The following PEAK1 variants were observed in gnomAD, a reference collection of about 807,000 sequenced individuals.
The protein encoded by PEAK1 is pseudopodium enriched atypical kinase 1.
In PEAK1, 54 loss-of-function variants were observed where a neutral mutation model predicts 124.7. The ratio of observed to expected loss-of-function variants is 0.43; its 90% CI spans 0.35 to 0.54. The LOEUF (loss-of-function observed/expected upper bound fraction) is 0.54, where lower values mean the gene tolerates loss of function less well. Among genes scored for constraint, PEAK1 ranks in the 20% least tolerant of loss-of-function variants. The pLI is 0.01. For synonymous variants in PEAK1, 719 were observed against 760.0 expected, an observed-to-expected ratio of 0.95 and a Z score of 0.89; for missense variants, 2,046 against 2,134.5, an observed-to-expected ratio of 0.96 and a Z score of 0.82.
intron 2 of PEAK1, chr15:77,348,438 A>G: frequency 2.1e-6 from 2 of 936,648 alleles, no homozygotes; most frequent in Non-Finnish European, 2.5e-6. Flanking sequence ...TGATTTTTTA[A>G]AAAGAAAAAA....
chr15:77,101,620 T>C (rs1260987594), exon 7 of PEAK1: 3 of 152,176 alleles, frequency 2.0e-5, no homozygotes, highest in South Asian at 2.1e-4. Flanking sequence ...TTGTCAGAGG[T>C]GGAACCTGGA....
chr15:77,201,475 T>G (rs1028105534), intron 6 of PEAK1, among the ~76,000 whole-genome samples: 1 of 152,172 alleles, frequency 6.6e-6, no homozygotes, highest in Middle Eastern at 3.4e-3. Flanking sequence ...CCTGACCTCG[T>G]GATCCTCCTG....
rs34583265 is a variant in PEAK1, at chr15:77,278,832, G to GTTTTT, written c.-275+5046_-275+5050dup. On this transcript the variant is annotated intron_variant, in intron 5 of 9. Coordinates refer to ENST00000682557, the MANE Select transcript of PEAK1 (RefSeq NM_001385026.1). ...TTTATAAAAATGCAAAATTTTGTGG[G>GTTTTT]TTTTTTTTTTTTTTTTTTGAGACAG... 5.3e-3 allele frequency: 1,192 copies of GTTTTT among 225,370 alleles called. 9 individuals carry two copies. Among genetic ancestry groups the GTTTTT allele is most frequent in the Middle Eastern group, 6.9e-3 (4 of 576 alleles). 14.0% of individuals were successfully genotyped at this position (225,370 alleles called of 1,614,324 possible). A position where few individuals can be genotyped will look rare whatever the true frequency, so the allele number is the denominator to read the frequency against.
intron 1 of PEAK1, chr15:77,402,826 TG>T (rs969768919): frequency 8.1e-6 from 8 of 984,800 alleles, no homozygotes; most frequent in Non-Finnish European, 9.6e-6. Context: ...CCATGTTGTA[TG>T]AAAAAAAAAA....
chr15:77,107,881 AC>A (rs1447860000), downstream of PEAK1: 2 of 152,236 alleles, frequency 1.3e-5, no homozygotes, highest in Admixed American at 1.3e-4. Context: ...CACACAGCAA[AC>A]CTGCAGCCTT....
At chr15:77,330,668 TCCTC>T (rs2065839183) in intron 2 of PEAK1, among the ~76,000 whole-genome samples, 1 of 152,142 alleles carries the variant, frequency 6.6e-6, no homozygotes, top group South Asian at 2.1e-4. Context: ...ATTGCTCTCT[TCCTC>T]CCTAACTTTC....
At chr15:77,254,531 CA>C (rs753889284) in intron 5 of PEAK1, among the ~76,000 whole-genome samples, 56 of 152,038 alleles carry the variant, frequency 3.7e-4, no homozygotes, top group Non-Finnish European at 6.5e-4. Context: ...CTCCTAGGCT[CA>C]AGCAATCCTC....
In PEAK1 at chr15:77,141,142, G is replaced by A. The variant is rs188009396; in HGVS notation, c.3332-7392C>T. Among the ~76,000 whole-genome samples the A allele has an allele frequency of 4.2e-3, 638 of 152,176 alleles. 4 individuals carry two copies. The highest frequency in any genetic ancestry group is 6.8e-3 in the Non-Finnish European group (465 of 68,016). On this transcript the variant is annotated intron_variant, in intron 8 of 9. Coordinates refer to ENST00000682557, the MANE Select transcript of PEAK1 (RefSeq NM_001385026.1). ...AATATAATCGTGTATATTGAGAAGC[G>A]TAGCGAATCCACACACAAAAAAACT... is the stretch of plus-strand genomic sequence containing the variant.
At chr15:77,387,629 C>G (rs528983675) in intron 1 of PEAK1, among the ~76,000 whole-genome samples, 48 of 152,156 alleles carry the variant, frequency 3.2e-4, no homozygotes, top group African/African-American at 1.1e-3. Flanking sequence ...GGTTACATAA[C>G]TAAATTAAGC....
chr15:77,415,240 T>C (rs528220902), intron 1 of PEAK1, among the ~76,000 whole-genome samples: 2 of 152,230 alleles, frequency 1.3e-5, no homozygotes, highest in Non-Finnish European at 2.9e-5. Flanking sequence ...TTCCTAGTCA[T>C]GTAACTAACA....
chr15:77,366,826 T>G (rs1165606480), intron 1 of PEAK1, among the ~76,000 whole-genome samples: 34 of 152,188 alleles, frequency 2.2e-4, no homozygotes, highest in Non-Finnish European at 5.9e-5. Flanking sequence ...CCTCCCAAAG[T>G]GCTGGGATTA....
intron 1 of PEAK1, chr15:77,404,116 T>G (rs183901797): frequency 2.0e-6 from 2 of 985,136 alleles, no homozygotes; most frequent in East Asian, 2.3e-4. Context: ...TTTAGACAAC[T>G]ACAAATTTAA....
chr15:77,291,993 AAG>A (rs1425401899), intron 2 of PEAK1, among the ~76,000 whole-genome samples: 32 of 142,564 alleles, frequency 2.2e-4, no homozygotes, highest in African/African-American at 7.2e-4. Context: ...AAAAAAAAAA[AAG>A]AGTTATATAT....
intron 6 of PEAK1, among the ~76,000 whole-genome samples, chr15:77,185,416 C>T (rs2057493171): frequency 6.6e-6 from 1 of 152,144 alleles, no homozygotes. Flanking sequence ...ACTTCCTCTC[C>T]CCTAACTGAA....
At chr15:77,276,764 T>C (rs1020548801) in intron 5 of PEAK1, among the ~76,000 whole-genome samples, 3 of 152,056 alleles carry the variant, frequency 2.0e-5, no homozygotes, top group Admixed American at 6.6e-5. Context: ...CTGTATGATA[T>C]GGTTCAAAAT....
chr15:77,306,734 C>T (rs572738900), intron 2 of PEAK1, among the ~76,000 whole-genome samples: 1 of 152,218 alleles, frequency 6.6e-6, no homozygotes, highest in South Asian at 2.1e-4. Context: ...CAATTCCAAA[C>T]TCTCCATAAC....
intron 2 of PEAK1, chr15:77,355,716 T>TG (rs747416538): frequency 2.0e-5 from 19 of 968,310 alleles, no homozygotes; most frequent in Non-Finnish European, 2.3e-5. Flanking sequence ...TCATCCATTT[T>TG]GGGGGGTCCA....
chr15:77,411,641 T>C (rs1053492364), intron 1 of PEAK1, among the ~76,000 whole-genome samples: 21 of 152,204 alleles, frequency 1.4e-4, no homozygotes, highest in Non-Finnish European at 2.8e-4. Flanking sequence ...AGTCTTGCGA[T>C]GTCACCTAGG....
intron 8 of PEAK1, among the ~76,000 whole-genome samples, chr15:77,143,856 C>T (rs2053976357): frequency 6.6e-6 from 1 of 152,218 alleles, no homozygotes; most frequent in South Asian, 2.1e-4. Flanking sequence ...CATTTGTGTA[C>T]CCAAGACCAA....
Sources: allele counts gnomAD v4.1 joint callset (sites outside exome capture counted in the v4.1 genomes callset), GRCh38; gene constraint gnomAD v4.1.1; transcripts MANE v1.5; gene names NCBI Gene and HGNC (gene_info 2026-07-23, HGNC 2026-07-21).